The following SNRK variants were observed in gnomAD, a reference collection of about 807,000 sequenced individuals.
The protein encoded by SNRK is SNF related kinase, also known as SNF-related serine/threonine-protein kinase.
In SNRK, 3 loss-of-function variants were observed where a neutral mutation model predicts 48.2. The ratio of observed to expected loss-of-function variants is 0.06; its 90% confidence interval spans 0.03 to 0.16. SNRK has a LOEUF of 0.16. Ranked by LOEUF, SNRK falls within the 10% of genes least tolerant of loss-of-function variation. The probability of loss-of-function intolerance (pLI) is 1.00; values close to 1 mark genes in which losing one functional copy is unlikely to be tolerated. For synonymous variants in SNRK, 376 were observed against 366.1 expected (o/e 1.03, Z -0.31); for missense variants, 627 against 976.0 (o/e 0.64, Z 4.76).
intron 1 of SNRK, among the ~76,000 whole-genome samples, chr3:43,298,442 T>C (rs2090873494): frequency 6.6e-6 from 1 of 152,206 alleles, no homozygotes; most frequent in Admixed American, 6.5e-5. Flanking sequence ...TCACTAGATA[T>C]GGACCTGTGC....
chr3:43,319,872 G>A (rs1043773392), intron 3 of SNRK, among the ~76,000 whole-genome samples: 2 of 152,160 alleles, frequency 1.3e-5, no homozygotes, highest in African/African-American at 4.8e-5. Context: ...AGAGGACCCA[G>A]TGAAAGCTGT....
At chr3:43,293,092 T>C (rs1418856677) in intron 1 of SNRK, among the ~76,000 whole-genome samples, 1 of 152,174 alleles carries the variant, frequency 6.6e-6, no homozygotes, top group Non-Finnish European at 1.5e-5. Context: ...GTTGCATACC[T>C]TTCTTTTCTT....
At chr3:43,287,140 C>T (rs1222895860) in intron 1 of SNRK, among the ~76,000 whole-genome samples, 1 of 151,628 alleles carries the variant, frequency 6.6e-6, no homozygotes, top group Non-Finnish European at 1.5e-5. Flanking sequence ...AGAAATCCGG[C>T]CTCAGCAAAA....
At chr3:43,333,387 A>G (rs1170995044) in intron 4 of SNRK, 5 of 129,310 alleles carry the variant, frequency 3.9e-5, no homozygotes, top group African/African-American at 8.3e-5. Flanking sequence ...AAAAAAAAAA[A>G]GAACTTAGGT....
chr3:43,296,162 AC>A (rs1158845369), intron 1 of SNRK, among the ~76,000 whole-genome samples: 2 of 152,064 alleles, frequency 1.3e-5, no homozygotes, highest in African/African-American at 4.8e-5. Flanking sequence ...TTCAGCCTAT[AC>A]CATTTTTAAA....
At chr3:43,305,259 A>G (rs557938503) in intron 3 of SNRK, among the ~76,000 whole-genome samples, 1 of 152,238 alleles carries the variant, frequency 6.6e-6, no homozygotes, top group East Asian at 1.9e-4. Flanking sequence ...TCTCTCCTAT[A>G]TATGCACCTC....
chr3:43,316,972 A>G (rs1179011019), intron 3 of SNRK, among the ~76,000 whole-genome samples: 3 of 152,142 alleles, frequency 2.0e-5, no homozygotes, highest in African/African-American at 4.8e-5. Context: ...GCAGTTTTCT[A>G]AGGGCTCTTA....
rs755592027 is a variant in SNRK at position 43,348,225 on chromosome 3, T to C, written c.1966T>C (p.Ser656Pro). 6.2e-7 allele frequency: 1 copy of C among 1,612,730 alleles called. No individual in the cohort carries two copies. Among genetic ancestry groups the C allele is most frequent in the Non-Finnish European group, 8.5e-7 (1 of 1,179,332 alleles). ...SLKLMSLCLG[S>P]QLHGSTKYII... ...CAAACTCATGAGCCTCTGCCTCGGCTCCCAGCTTCATGGGAGCACCAAGTA... is the reference window on the plus strand; with the variant it reads ...CAAACTCATGAGCCTCTGCCTCGGCCCCCAGCTTCATGGGAGCACCAAGTA... The change falls in exon 7 of 7, where the codon TCC (serine) becomes CCC (proline). Residue 656 changes from serine (S) to proline (P), a missense_variant. Ser to Pro is a moderately conservative substitution (Grantham distance 74). Transcript: ENST00000296088.
At chr3:43,320,210 A>C (rs913904897) in intron 3 of SNRK, among the ~76,000 whole-genome samples, 1 of 152,076 alleles carries the variant, frequency 6.6e-6, no homozygotes, top group African/African-American at 2.4e-5. Flanking sequence ...GGAAAATTGG[A>C]GGTAAGGTTA....
At chr3:43,343,628 C>A in intron 6 of SNRK, 150 bp downstream of exon 6, 1 of 856,858 alleles carries the variant, frequency 1.2e-6, no homozygotes, top group Non-Finnish European at 1.8e-6. Flanking sequence ...ACGGGCTCTT[C>A]AGGTGTACAT....
rs1332112017 is a variant in SNRK at position 43,286,680 on chromosome 3, G to A, written c.-169+5G>A. ...GACGCTCGCCTGCCGGCTGAGGTAGGGGCGAGCGCGGAGCGCGGCGGGGCG... is the reference window on the plus strand; with the variant it reads ...GACGCTCGCCTGCCGGCTGAGGTAGAGGCGAGCGCGGAGCGCGGCGGGGCG... On this transcript the variant is annotated splice_donor_5th_base_variant and intron_variant, in intron 1 of 6. Transcript: ENST00000296088. 6.7e-6 allele frequency: 1 copy of A among 149,516 alleles called. No individual in the cohort carries two copies. Among genetic ancestry groups the A allele is most frequent in the Admixed American group, 6.7e-5 (1 of 15,026 alleles). 9.3% of individuals were successfully genotyped at this position (149,516 alleles called of 1,614,324 possible).
rs1161586711 is a variant in SNRK at position 43,330,521 on chromosome 3, A to G, written c.590-1648A>G. ...ACAAAGAGGAGGATTTAAGTTAAAC[A>G]TAAACTATATAAATTTCCTTTAAAA... On this transcript the variant is annotated intron_variant, in intron 3 of 6. Transcript: ENST00000296088. 4.4e-4 allele frequency among the ~76,000 whole-genome samples: 67 copies of G among 152,246 alleles called. 1 individual carries two copies. Among genetic ancestry groups the G allele is most frequent in the Admixed American group, 4.4e-3 (67 of 15,290 alleles).
chr3:43,335,371 A>G (rs1045241517), intron 4 of SNRK, among the ~76,000 whole-genome samples: 8 of 152,196 alleles, frequency 5.3e-5, no homozygotes, highest in Admixed American at 2.6e-4. Flanking sequence ...TTCCAAATGT[A>G]TGGCGTTTTT....
chr3:43,350,015 C>G lies in SNRK; in HGVS notation c.*1458C>G, dbSNP rs1241726532. On this transcript the variant is annotated 3_prime_UTR_variant, in exon 7 of 7. Coordinates refer to ENST00000296088, the MANE Select transcript of SNRK (RefSeq NM_017719.5). The stretch of plus-strand genomic sequence containing the variant: ...GAGTGGGCACATCACCAAAGAACTG[C>G]ATTGCTGTGGTCACTGTTTCTTCAA... The G allele has an allele frequency of 3.9e-5, 6 of 152,224 alleles. No individual in the cohort carries two copies. The highest frequency in any genetic ancestry group is 8.8e-5 in the Non-Finnish European group (6 of 68,056). The allele number at this position is 152,224 out of a possible 1,614,324, so 9.4% of individuals were successfully genotyped here.
chr3:43,333,373 AAAAAAAAAAAAAAAG>A (rs1247109198), intron 4 of SNRK: 1 of 150,714 alleles, frequency 6.6e-6, no homozygotes, highest in Non-Finnish European at 1.5e-5. Flanking sequence ...AAAAAAAAAA[AAAAAAAAAAAAAAAG>A]AACTTAGGTA....
chr3:43,314,038 T>C (rs966520825), intron 3 of SNRK, among the ~76,000 whole-genome samples: 2 of 152,220 alleles, frequency 1.3e-5, no homozygotes, highest in African/African-American at 4.8e-5. Flanking sequence ...TCAAATGCAT[T>C]CTAACAAATA....
chr3:43,316,508 T>A (rs748736985), intron 3 of SNRK, among the ~76,000 whole-genome samples: 6 of 152,206 alleles, frequency 3.9e-5, no homozygotes, highest in Non-Finnish European at 8.8e-5. Context: ...TTTTAGACAT[T>A]AGTGGAAAAA....
intron 3 of SNRK, among the ~76,000 whole-genome samples, chr3:43,313,114 G>C (rs1454056554): frequency 6.6e-6 from 1 of 152,124 alleles, no homozygotes; most frequent in African/African-American, 2.4e-5. Flanking sequence ...AAAGAATAAC[G>C]AGAGAAATCA....
At chr3:43,324,414 C>T (rs1437796686) in intron 3 of SNRK, among the ~76,000 whole-genome samples, 1 of 150,310 alleles carries the variant, frequency 6.7e-6, no homozygotes, top group African/African-American at 2.5e-5. Flanking sequence ...GAGGCTGAGG[C>T]AGAAGAATCG....
Sources: gnomAD v4.1 joint callset for allele counts (sites outside exome capture counted in the v4.1 genomes callset) on GRCh38, gnomAD v4.1.1 for gene constraint, MANE v1.5 for transcripts, NCBI Gene and HGNC (gene_info 2026-07-23, HGNC 2026-07-21) for gene names.